CDH13: variants seen among roughly 807,000 people sequenced by gnomAD.
CDH13 encodes the protein cadherin-13.
In CDH13, 24 loss-of-function variants were observed where a neutral mutation model predicts 63.8. The observed-to-expected ratio is 0.38, with a 90% CI of 0.27 to 0.53. The LOEUF (loss-of-function observed/expected upper bound fraction) is 0.53, where lower values mean the gene tolerates loss of function less well. Among genes scored for constraint, CDH13 ranks in the 20% least tolerant of loss-of-function variants. CDH13 has a pLI of 0.85. For missense variants in CDH13, 1,049 were observed against 903.1 expected (o/e 1.16, Z -2.07); for synonymous variants, 503 against 355.3 (o/e 1.42, Z -4.67).
intron 1 of CDH13, among the ~76,000 whole-genome samples, chr16:82,717,351 G>T (rs138378579): frequency 1.3e-5 from 2 of 150,708 alleles, no homozygotes; most frequent in African/African-American, 4.9e-5. Context: ...CAGGAGAATC[G>T]CTTGAAACCA....
intron 2 of CDH13, among the ~76,000 whole-genome samples, chr16:83,029,741 G>A (rs1265722593): frequency 6.6e-6 from 1 of 152,188 alleles, no homozygotes; most frequent in African/African-American, 2.4e-5. Context: ...CTCAGGAAGG[G>A]AGGGGACTGG....
At chr16:83,492,248 A>C (rs1201107523) in intron 7 of CDH13, among the ~76,000 whole-genome samples, 1 of 152,244 alleles carries the variant, frequency 6.6e-6, no homozygotes, top group African/African-American at 2.4e-5. Context: ...TCAATGAAAG[A>C]TAGAGGTAGT....
At chr16:83,136,503 A>AAAAAG (rs1567865440) in intron 4 of CDH13, among the ~76,000 whole-genome samples, 6 of 149,694 alleles carry the variant, frequency 4.0e-5, no homozygotes, top group Non-Finnish European at 5.9e-5. Flanking sequence ...AAAAAAAAAA[A>AAAAAG]AAAAGAAATA....
At chr16:83,587,287 A>T (rs1237852840) in intron 7 of CDH13, among the ~76,000 whole-genome samples, 1 of 152,184 alleles carries the variant, frequency 6.6e-6, no homozygotes, top group Non-Finnish European at 1.5e-5. Flanking sequence ...TGCTGATTAA[A>T]CGTCTGAAAT....
At chr16:82,962,723 A>T (rs1252877859) in intron 2 of CDH13, among the ~76,000 whole-genome samples, 1 of 152,178 alleles carries the variant, frequency 6.6e-6, no homozygotes, top group Non-Finnish European at 1.5e-5. Flanking sequence ...CATTTCTGAA[A>T]ACTGGTTGTT....
intron 8 of CDH13, among the ~76,000 whole-genome samples, chr16:83,629,360 C>T (rs1910584530): frequency 6.6e-6 from 1 of 152,188 alleles, no homozygotes; most frequent in Non-Finnish European, 1.5e-5. Context: ...TACATTTTCC[C>T]ATTTACATTC....
At chr16:83,093,284 A>T (rs980179532) in intron 3 of CDH13, among the ~76,000 whole-genome samples, 3 of 133,176 alleles carry the variant, frequency 2.3e-5, no homozygotes, top group African/African-American at 8.3e-5. Flanking sequence ...CTGTGGAAAC[A>T]CCATAAGTAC....
intron 7 of CDH13, among the ~76,000 whole-genome samples, chr16:83,523,897 G>A (rs969536745): frequency 3.9e-5 from 6 of 152,182 alleles, no homozygotes; most frequent in Admixed American, 6.5e-5. Flanking sequence ...CAGAACCTGT[G>A]TCAGGACTCT....
chr16:83,788,893 A>G (rs1349715645), intron 13 of CDH13, among the ~76,000 whole-genome samples: 5 of 151,150 alleles, frequency 3.3e-5, no homozygotes, highest in Non-Finnish European at 7.4e-5. Context: ...TGACACTCCA[A>G]TGGTTTGCTG....
intron 5 of CDH13, among the ~76,000 whole-genome samples, chr16:83,276,196 C>G (rs1382576065): frequency 6.6e-6 from 1 of 152,112 alleles, no homozygotes. Context: ...CACTCCAACT[C>G]TGAGAACTTC....
intron 5 of CDH13, among the ~76,000 whole-genome samples, chr16:83,246,955 C>A (rs1905053234): frequency 1.3e-5 from 2 of 152,214 alleles, no homozygotes; most frequent in Non-Finnish European, 2.9e-5. Context: ...GCGTATCCAT[C>A]TCTACTGAGG....
chr16:83,072,060 T>G (rs928006674), intron 3 of CDH13, among the ~76,000 whole-genome samples: 7 of 152,134 alleles, frequency 4.6e-5, no homozygotes, highest in Non-Finnish European at 8.8e-5. Flanking sequence ...GTATATTTTA[T>G]TTAACCCAGT....
rs370435926 is a variant in CDH13 at position 83,281,589 on chromosome 16, A to C, written c.637-63273A>C. ...AAGAGGTCTGGCTTTCAGCTATCTC[A>C]GCTTTCAACATGTCTTCGTCATTAA... is the stretch of plus-strand genomic sequence containing the variant. On this transcript the variant is annotated intron_variant, in intron 5 of 13. Transcript: ENST00000567109. Among the ~76,000 whole-genome samples the C allele has an allele frequency of 5.3e-5, 8 of 152,302 alleles. No homozygotes were observed. In the East Asian group the frequency reaches 1.2e-3, roughly 22 times the overall value.
chr16:83,217,573 C>G (rs986868333), intron 5 of CDH13, 76 bp downstream of exon 5: 2 of 1,461,606 alleles, frequency 1.4e-6, no homozygotes, highest in Admixed American at 1.8e-5. Flanking sequence ...CCACTGAGCT[C>G]ATTATTTCTG....
intron 7 of CDH13, among the ~76,000 whole-genome samples, chr16:83,570,904 T>C (rs929673417): frequency 7.2e-6 from 1 of 138,056 alleles, no homozygotes; most frequent in Non-Finnish European, 1.5e-5. Flanking sequence ...GTATAATTTT[T>C]ATATAAATTA....
chr16:83,645,545 C>G lies in CDH13; in HGVS notation c.1102-25245C>G, dbSNP rs532770705. 8.8e-5 allele frequency among the ~76,000 whole-genome samples: 11 copies of G among 125,122 alleles called. No homozygotes were observed. The South Asian group carries it at 2.8e-3, about 32-fold the overall frequency. The allele number at this position is 125,122 out of a possible 152,430, so 82.1% of individuals were successfully genotyped here. On this transcript the variant is annotated intron_variant, in intron 8 of 13. Coordinates refer to ENST00000567109, the MANE Select transcript of CDH13 (RefSeq NM_001257.5). ...AACAAACATGCACACATGCCCCCCC[C>G]CAATCTAAAATAAAATAATTTTTTT...
chr16:83,389,388 C>A (rs1294116802), intron 6 of CDH13, among the ~76,000 whole-genome samples: 1 of 152,118 alleles, frequency 6.6e-6, no homozygotes, highest in Non-Finnish European at 1.5e-5. Context: ...TCTCAGTTAA[C>A]AATCTCTATC....
chr16:82,988,086 C>G (rs932324959), intron 2 of CDH13, among the ~76,000 whole-genome samples: 2 of 152,178 alleles, frequency 1.3e-5, no homozygotes, highest in African/African-American at 2.4e-5. Context: ...AGCAATAACC[C>G]TCCTTCCTCA....
At chr16:82,744,538 G>C (rs1174169380) in intron 1 of CDH13, among the ~76,000 whole-genome samples, 1 of 152,000 alleles carries the variant, frequency 6.6e-6, no homozygotes, top group Non-Finnish European at 1.5e-5. Flanking sequence ...AAATCTCTGG[G>C]CTGGCTTCTA....
Sources: allele counts gnomAD v4.1 joint callset (sites outside exome capture counted in the v4.1 genomes callset), GRCh38; gene constraint gnomAD v4.1.1; transcripts MANE v1.5; gene names NCBI Gene and HGNC (gene_info 2026-07-23, HGNC 2026-07-21).